RORA: variants seen among roughly 807,000 people sequenced by gnomAD.
RORA encodes the protein RAR related orphan receptor A, also known as nuclear receptor ROR-alpha.
In RORA, 7 loss-of-function variants were observed where a neutral mutation model predicts 69.5. The observed-to-expected ratio is 0.10, with a 90% CI of 0.06 to 0.19. The LOEUF is 0.19. Ranked by LOEUF, RORA falls within the 10% of genes least tolerant of loss-of-function variation. The pLI, the probability that RORA is intolerant of heterozygous loss-of-function variation, is 1.00. For missense variants in RORA, 457 were observed against 663.0 expected, an observed-to-expected ratio of 0.69 and a Z score of 3.41; for synonymous variants, 261 against 240.8, an observed-to-expected ratio of 1.08 and a Z score of -0.78.
At chr15:60,902,889 G>C (rs1251478517) in intron 1 of RORA, among the ~76,000 whole-genome samples, 1 of 152,170 alleles carries the variant, frequency 6.6e-6, no homozygotes, top group Non-Finnish European at 1.5e-5. Context: ...TGAATCTAGG[G>C]GCGTACTCCG....
intron 1 of RORA, among the ~76,000 whole-genome samples, chr15:60,935,723 A>T (rs1406138537): frequency 6.6e-6 from 1 of 152,252 alleles, no homozygotes; most frequent in African/African-American, 2.4e-5. Flanking sequence ...CCAGATAAAT[A>T]AAACATCAGA....
At chr15:61,056,349 T>C (rs939084438) in intron 1 of RORA, among the ~76,000 whole-genome samples, 4 of 152,356 alleles carry the variant, frequency 2.6e-5, no homozygotes, top group African/African-American at 9.6e-5. Context: ...CCAAAGGCAG[T>C]TGCTCTTAAA....
chr15:60,632,213 C>T (rs1390233617), intron 2 of RORA, among the ~76,000 whole-genome samples: 3 of 151,904 alleles, frequency 2.0e-5, no homozygotes, highest in Admixed American at 2.0e-4. Context: ...TCACGCCATT[C>T]TCCTGCCTCA....
intron 2 of RORA, among the ~76,000 whole-genome samples, chr15:60,612,659 C>CTTTTTTTTTTTTTTTTT (rs1567123636): frequency 8.5e-6 from 1 of 117,328 alleles, no homozygotes. Flanking sequence ...CTCTCTCTCT[C>CTTTTTTTTTTTTTTTTT]TGTTTTTTTT....
intron 1 of RORA, among the ~76,000 whole-genome samples, chr15:61,012,709 G>A (rs1895127814): frequency 6.6e-6 from 1 of 152,000 alleles, no homozygotes; most frequent in Admixed American, 6.5e-5. Context: ...GAGTACAGTG[G>A]TGTGATCTCA....
In RORA at chr15:60,771,568, C is replaced by G. The variant is rs183965617; in HGVS notation, c.167-92882G>C. 3.9e-5 allele frequency among the ~76,000 whole-genome samples: 6 copies of G among 152,324 alleles called. No homozygotes were observed. The East Asian group carries it at 1.2e-3, about 29-fold the overall frequency. ...TAGAAAAGGCCACTATTGATTGTCACCGAGCTGCTCTCTTTTGCAGCTTCA... is the reference window on the plus strand; with the variant it reads ...TAGAAAAGGCCACTATTGATTGTCAGCGAGCTGCTCTCTTTTGCAGCTTCA... On this transcript the variant is annotated intron_variant, in intron 1 of 10. Transcript: ENST00000335670.
intron 1 of RORA, among the ~76,000 whole-genome samples, chr15:61,098,004 C>T (rs2078816484): frequency 6.6e-6 from 1 of 152,098 alleles, no homozygotes; most frequent in Admixed American, 6.6e-5. Context: ...TAGAAGGGAA[C>T]TGCTATTCCT....
intron 1 of RORA, among the ~76,000 whole-genome samples, chr15:61,137,019 A>G (rs202184669): frequency 1.1e-4 from 7 of 61,102 alleles, no homozygotes; most frequent in African/African-American, 1.7e-4. Context: ...AAATAAATAA[A>G]AAAGAAAGAA....
chr15:60,836,802 C>T (rs371856664), intron 1 of RORA, among the ~76,000 whole-genome samples: 1 of 152,144 alleles, frequency 6.6e-6, no homozygotes, highest in African/African-American at 2.4e-5. Context: ...TCCATGAGCT[C>T]TCTCCTAAAA....
intron 10 of RORA, among the ~76,000 whole-genome samples, chr15:60,497,921 T>C (rs992682161): frequency 2.0e-5 from 3 of 151,166 alleles, no homozygotes; most frequent in African/African-American, 4.9e-5. Context: ...TAGCTAGGCA[T>C]GGCAGCGTGC....
intron 1 of RORA, among the ~76,000 whole-genome samples, chr15:60,863,870 C>T (rs1444044887): frequency 6.6e-6 from 1 of 151,730 alleles, no homozygotes; most frequent in African/African-American, 2.4e-5. Flanking sequence ...GCAGTGGCAC[C>T]ATCTCAGCTC....
At chr15:61,095,610 A>T (rs545419474) in intron 1 of RORA, among the ~76,000 whole-genome samples, 2 of 152,336 alleles carry the variant, frequency 1.3e-5, no homozygotes, top group East Asian at 3.9e-4. Flanking sequence ...AAGGACACAA[A>T]ATCTAAAAGT....
At chr15:60,941,132 C>T (rs1202890163) in intron 1 of RORA, among the ~76,000 whole-genome samples, 3 of 152,172 alleles carry the variant, frequency 2.0e-5, no homozygotes, top group Non-Finnish European at 4.4e-5. Flanking sequence ...ACACCAAACA[C>T]TTCATAATTT....
At chr15:61,189,073 G>A (rs2079771764) in intron 1 of RORA, among the ~76,000 whole-genome samples, 1 of 152,162 alleles carries the variant, frequency 6.6e-6, no homozygotes, top group Non-Finnish European at 1.5e-5. Context: ...CAAGGGGGAT[G>A]CAAGAGCAAG....
chr15:60,854,371 A>C (rs2073358994), intron 1 of RORA, among the ~76,000 whole-genome samples: 1 of 152,218 alleles, frequency 6.6e-6, no homozygotes, highest in Admixed American at 6.5e-5. Context: ...AGCTAGTAAT[A>C]TCATCCATTA....
intron 1 of RORA, chr15:61,181,477 G>A (rs1325218156): frequency 6.6e-6 from 1 of 152,086 alleles, no homozygotes; most frequent in African/African-American, 2.4e-5. Context: ...GTGAAAAAGG[G>A]TCAATTAGCA....
intron 1 of RORA, among the ~76,000 whole-genome samples, chr15:60,692,951 G>A (rs1567158466): frequency 1.3e-5 from 2 of 152,140 alleles, no homozygotes; most frequent in South Asian, 2.1e-4. Context: ...CACATTCTAT[G>A]AGGCCAGCAT....
chr15:60,526,440 T>C (rs1567061299), intron 3 of RORA, among the ~76,000 whole-genome samples: 1 of 152,190 alleles, frequency 6.6e-6, no homozygotes, highest in Non-Finnish European at 1.5e-5. Flanking sequence ...TTCTGTGAGC[T>C]GAGGAAGGGC....
At chr15:61,188,781 G>C (rs1187201038) in intron 1 of RORA, among the ~76,000 whole-genome samples, 1 of 152,110 alleles carries the variant, frequency 6.6e-6, no homozygotes, top group Non-Finnish European at 1.5e-5. Context: ...AGCAAAGAGG[G>C]GTCTCAAAAA....
Sources: allele counts gnomAD v4.1 joint callset (sites outside exome capture counted in the v4.1 genomes callset), GRCh38; gene constraint gnomAD v4.1.1; transcripts MANE v1.5; gene names NCBI Gene and HGNC (gene_info 2026-07-23, HGNC 2026-07-21).